Variants in PHF14 observed in about 807,000 individuals in gnomAD.
The protein encoded by PHF14 is PHD finger protein 14.
In PHF14, 55 loss-of-function variants were observed where a neutral mutation model predicts 117.9. The observed-to-expected ratio is 0.47, with a 90% CI of 0.38 to 0.58. The LOEUF (loss-of-function observed/expected upper bound fraction) is 0.58, where lower values mean the gene tolerates loss of function less well. Ranked by LOEUF, PHF14 falls within the 20% of genes least tolerant of loss-of-function variation. PHF14 has a pLI of 0.00. For synonymous variants in PHF14, 409 were observed against 368.6 expected, an observed-to-expected ratio of 1.11 and a Z score of -1.26; for missense variants, 978 against 1,122.2, an observed-to-expected ratio of 0.87 and a Z score of 1.84.
rs1338754911 is a variant in PHF14, at chr7:11,037,044, G to A, written c.1933G>A (p.Asp645Asn). 8.6e-6 allele frequency: 13 copies of A among 1,508,024 alleles called. No individual in the cohort carries two copies. The highest frequency in any genetic ancestry group is 1.2e-5 in the Non-Finnish European group (13 of 1,100,890). 93.4% of individuals were successfully genotyped at this position (1,508,024 alleles called of 1,614,324 possible). The part of the protein sequence containing the change: ...ENMAEQKNIK[D>N]KLENEQEKLH... ...TATGGCTGAACAAAAGAATATAAAA[G>A]ATAAATTAGAGAATGAACAAGAAAA... The change falls in exon 10 of 18, where the codon GAT (aspartate) becomes AAT (asparagine). Residue 645 changes from aspartate to asparagine, a missense_variant. This residue lies in a region of PHF14 where 237 missense variants were observed against 276.4 expected (regional missense o/e 0.86). Transcript: ENST00000634607.
chr7:11,089,929 G>T (rs1786579714), intron 16 of PHF14, among the ~76,000 whole-genome samples: 1 of 152,106 alleles, frequency 6.6e-6, no homozygotes, highest in Middle Eastern at 3.4e-3. Flanking sequence ...GTGCCGTCAC[G>T]ACCGGCTAAT....
intron 16 of PHF14, among the ~76,000 whole-genome samples, chr7:11,078,527 A>T (rs1380274420): frequency 6.6e-6 from 1 of 152,138 alleles, no homozygotes; most frequent in Non-Finnish European, 1.5e-5. Flanking sequence ...TTGATTTAAA[A>T]ATCCCTTTTA....
chr7:11,056,553 G>C (rs912486869), intron 14 of PHF14, among the ~76,000 whole-genome samples: 9 of 151,916 alleles, frequency 5.9e-5, no homozygotes, highest in Non-Finnish European at 1.0e-4. Flanking sequence ...TTTGGTGACT[G>C]CCATTCCATT....
intron 13 of PHF14, among the ~76,000 whole-genome samples, chr7:11,046,868 A>G (rs181780589): frequency 9.3e-5 from 14 of 151,262 alleles, no homozygotes; most frequent in Admixed American, 5.3e-4. Flanking sequence ...AGACATAAGA[A>G]AAAAAAAAAC....
chr7:11,017,155 G>A (rs746319641), intron 5 of PHF14, among the ~76,000 whole-genome samples: 2 of 152,084 alleles, frequency 1.3e-5, no homozygotes, highest in Non-Finnish European at 2.9e-5. Context: ...GTCTGTTGGT[G>A]GAAACTTAGG....
intron 17 of PHF14, among the ~76,000 whole-genome samples, chr7:11,142,387 A>C (rs2128351420): frequency 6.6e-6 from 1 of 152,142 alleles, no homozygotes; most frequent in East Asian, 1.9e-4. Flanking sequence ...ATATAGAATA[A>C]ATATTTATGT....
intron 17 of PHF14, 69 bp downstream of exon 17, chr7:11,111,536 A>G (rs988367837): frequency 2.7e-6 from 2 of 730,756 alleles, no homozygotes; most frequent in Admixed American, 4.6e-5. Flanking sequence ...ATGTCACACA[A>G]TTAGCTTCTT....
chr7:11,061,760 G>GT lies in PHF14; in HGVS notation c.2482-25dup, dbSNP rs779900096. 5 of 1,469,610 alleles carry GT rather than the reference G, an allele frequency of 3.4e-6. No homozygotes were observed. The African/African-American group carries it at 5.8e-5, about 17-fold the overall frequency. The allele number at this position is 1,469,610 out of a possible 1,614,324, so 91.0% of individuals were successfully genotyped here. On this transcript the variant is annotated intron_variant, in intron 14 of 17. Transcript: ENST00000634607. The stretch of plus-strand genomic sequence containing the variant: ...AACATTAGATATACTGTGGATTTTT[G>GT]TTTTTTGTTTTTTTTTTTGTTTTTT...
chr7:10,993,973 C>G (rs1273740202), intron 4 of PHF14, among the ~76,000 whole-genome samples: 1 of 147,030 alleles, frequency 6.8e-6, no homozygotes, highest in African/African-American at 2.5e-5. Flanking sequence ...TGCGCCAGTG[C>G]ACTTTGGCCT....
intron 17 of PHF14, among the ~76,000 whole-genome samples, chr7:11,112,979 A>C (rs1055548636): frequency 6.6e-6 from 1 of 152,042 alleles, no homozygotes; most frequent in African/African-American, 2.4e-5. Context: ...ATGTATTCCC[A>C]AAATTTTATT....
chr7:11,140,030 C>T (rs1450726519), intron 17 of PHF14, among the ~76,000 whole-genome samples: 1 of 152,072 alleles, frequency 6.6e-6, no homozygotes, highest in Admixed American at 6.5e-5. Flanking sequence ...ATACATGTTA[C>T]CCTGTAACAC....
At chr7:11,097,485 A>C (rs1465021060) in intron 16 of PHF14, among the ~76,000 whole-genome samples, 5 of 152,156 alleles carry the variant, frequency 3.3e-5, no homozygotes, top group African/African-American at 9.7e-5. Flanking sequence ...GGCCTTTATC[A>C]TTTGAAATCA....
chr7:11,050,124 T>C (rs1350071991), intron 13 of PHF14, among the ~76,000 whole-genome samples: 3 of 152,186 alleles, frequency 2.0e-5, no homozygotes, highest in Non-Finnish European at 2.9e-5. Flanking sequence ...TATTTAACTC[T>C]TGTTGGAGTT....
intron 6 of PHF14, 129 bp downstream of exon 6, chr7:11,023,108 A>G (rs903143861): frequency 5.8e-6 from 3 of 517,574 alleles, no homozygotes; most frequent in Admixed American, 3.6e-5. Flanking sequence ...GCACTAAATC[A>G]TTTATTATTG....
intron 17 of PHF14, among the ~76,000 whole-genome samples, chr7:11,153,092 G>A (rs1788746276): frequency 6.6e-6 from 1 of 152,168 alleles, no homozygotes; most frequent in South Asian, 2.1e-4. Flanking sequence ...GATGTGATGT[G>A]TGTCTTACAA....
Position 11,169,416 on chromosome 7 carries a change from G to A in PHF14, c.2773G>A (p.Glu925Lys). 1 of 1,388,084 alleles carries A rather than the reference G, an allele frequency of 7.2e-7. No individual in the cohort carries two copies. The highest frequency in any genetic ancestry group is 1.0e-6 in the Non-Finnish European group (1 of 1,003,924). The allele number at this position is 1,388,084 out of a possible 1,614,324, so 86.0% of individuals were successfully genotyped here. ...CQECDSSSSK[E>K]DENEAERKNI... is the part of the protein sequence containing the mutation. ...ATGTTTTCTAAAATTTATTTCACAG[G>A]AAGATGAAAATGAAGCTGAAAGAAA... is the stretch of plus-strand genomic sequence containing the variant. Residue 925 changes from glutamate to lysine, a missense_variant and splice_region_variant, in exon 18 of 18, where the codon GAA (glutamate) becomes AAA (lysine). Glu to Lys is a moderately conservative substitution (Grantham distance 56). This residue lies in a region of PHF14 where 180 missense variants were observed against 195.4 expected (regional missense o/e 0.92). Coordinates refer to ENST00000634607, the MANE Select transcript of PHF14 (RefSeq NM_001007157.2).
intron 5 of PHF14, among the ~76,000 whole-genome samples, chr7:11,017,033 A>C (rs1200861576): frequency 6.6e-6 from 1 of 152,170 alleles, no homozygotes. Context: ...TATTTCACCT[A>C]ACATAATGAT....
chr7:10,998,826 A>G (rs1482715187), intron 4 of PHF14, among the ~76,000 whole-genome samples: 1 of 151,970 alleles, frequency 6.6e-6, no homozygotes, highest in African/African-American at 2.4e-5. Context: ...CACTATCTCT[A>G]TTTTTCTCTG....
intron 17 of PHF14, among the ~76,000 whole-genome samples, chr7:11,126,582 C>T (rs1325382848): frequency 1.3e-5 from 2 of 151,824 alleles, no homozygotes; most frequent in African/African-American, 4.8e-5. Flanking sequence ...TTCAAAATCC[C>T]TAACTTTTGT....
Sources: allele counts gnomAD v4.1 joint callset (sites outside exome capture counted in the v4.1 genomes callset), GRCh38; gene constraint gnomAD v4.1.1; regional missense constraint gnomAD v4.1.1; transcripts MANE v1.5; gene names NCBI Gene and HGNC (gene_info 2026-07-23, HGNC 2026-07-21).